Variants in UGT1A9 observed in about 807,000 individuals in gnomAD.
UGT1A9 encodes the protein UDP glucuronosyltransferase family 1 member A9.
Under a neutral mutation model 45.0 loss-of-function variants are expected in UGT1A9, and 35 were observed. The observed-to-expected ratio is 0.78, with a 90% CI of 0.59 to 1.03. The LOEUF (loss-of-function observed/expected upper bound fraction) is 1.03. Ranked by LOEUF, UGT1A9 falls within the 50% of genes least tolerant of loss-of-function variation. The pLI is 0.00. For missense variants in UGT1A9, 687 were observed against 666.6 expected (o/e 1.03, Z -0.34); for synonymous variants, 278 against 250.6 (o/e 1.11, Z -1.03).
At chr2:233,725,703 A>G (rs2077468684) in intron 1 of UGT1A9, among the ~76,000 whole-genome samples, 1 of 152,222 alleles carries the variant, frequency 6.6e-6, no homozygotes, top group South Asian at 2.1e-4. Flanking sequence ...ATATGTAGTT[A>G]GTGACTACCA....
intron 1 of UGT1A9, among the ~76,000 whole-genome samples, chr2:233,761,819 C>T (rs1222575733): frequency 6.6e-6 from 1 of 152,192 alleles, no homozygotes; most frequent in East Asian, 1.9e-4. Flanking sequence ...AGGAGAGGCT[C>T]CTTCAGATGG....
intron 1 of UGT1A9, among the ~76,000 whole-genome samples, chr2:233,736,576 T>G: frequency 6.6e-6 from 1 of 152,372 alleles, no homozygotes; most frequent in Admixed American, 6.5e-5. Flanking sequence ...TGTGATCCTT[T>G]GGAGGAGATG....
intron 1 of UGT1A9, among the ~76,000 whole-genome samples, chr2:233,684,812 A>G (rs1054910141): frequency 6.6e-6 from 1 of 152,200 alleles, no homozygotes; most frequent in Admixed American, 6.5e-5. Context: ...TCAACCACAA[A>G]AGTAAATTGT....
At chr2:233,681,795 T>C (rs2074539894) in intron 1 of UGT1A9, 2 of 1,471,396 alleles carry the variant, frequency 1.4e-6, no homozygotes, top group East Asian at 2.3e-5. Context: ...GAGTAAATCA[T>C]TGGCAGTGAA....
chr2:233,728,992 A>G (rs990793859), intron 1 of UGT1A9: 2 of 1,544,002 alleles, frequency 1.3e-6, no homozygotes, highest in Admixed American at 1.9e-5. Flanking sequence ...ATAATTAACT[A>G]GAGGAGGGCA....
intron 1 of UGT1A9, among the ~76,000 whole-genome samples, chr2:233,676,679 C>G (rs2074368007): frequency 6.6e-6 from 1 of 152,148 alleles, no homozygotes; most frequent in South Asian, 2.1e-4. Context: ...CAGTCCTAGT[C>G]AGGTGTCCTG....
At chr2:233,764,092 C>T (rs973147823) in intron 1 of UGT1A9, among the ~76,000 whole-genome samples, 2 of 152,148 alleles carry the variant, frequency 1.3e-5, no homozygotes, top group African/African-American at 4.8e-5. Context: ...AAAGCCTAAA[C>T]TAAAAATACA....
In UGT1A9 at chr2:233,755,028, C is replaced by T; in HGVS notation, c.856-12006C>T. 4 of 1,311,690 alleles carry T rather than the reference C, an allele frequency of 3.0e-6. 1 individual carries two copies. In the South Asian group the frequency reaches 4.6e-5, roughly 15 times the overall value. 81.3% of individuals were successfully genotyped at this position (1,311,690 alleles called of 1,614,324 possible). On this transcript the variant is annotated intron_variant, in intron 1 of 4. Transcript: ENST00000354728. ...CTACTCGAAGGGGTCCTTGAAGGGC[C>T]TGCCGCCTGCGCAGCCGCCCTCCGC...
At chr2:233,677,677 A>G (rs1343811731) in intron 1 of UGT1A9, among the ~76,000 whole-genome samples, 1 of 152,156 alleles carries the variant, frequency 6.6e-6, no homozygotes, top group Non-Finnish European at 1.5e-5. Flanking sequence ...TCAAGAAATA[A>G]TAGATGCTGG....
intron 1 of UGT1A9, among the ~76,000 whole-genome samples, chr2:233,696,259 G>A (rs1003470757): frequency 2.0e-5 from 3 of 152,170 alleles, no homozygotes; most frequent in Non-Finnish European, 4.4e-5. Context: ...ACACATCAGT[G>A]AATGAATGGA....
intron 1 of UGT1A9, among the ~76,000 whole-genome samples, chr2:233,744,427 T>C (rs1221651523): frequency 2.0e-5 from 3 of 151,848 alleles, no homozygotes; most frequent in East Asian, 1.9e-4. Flanking sequence ...GTGGATTATA[T>C]CTATCATACG....
At chr2:233,729,079 C>T (rs372945950) in intron 1 of UGT1A9, 2 of 1,611,886 alleles carry the variant, frequency 1.2e-6, no homozygotes, top group African/African-American at 2.7e-5. Flanking sequence ...GCAAATGTAG[C>T]AGGCACAGCG....
intron 1 of UGT1A9, among the ~76,000 whole-genome samples, chr2:233,676,024 T>C (rs2074343240): frequency 6.6e-6 from 1 of 152,154 alleles, no homozygotes; most frequent in South Asian, 2.1e-4. Context: ...AATAAACCCA[T>C]ACATATACAT....
intron 1 of UGT1A9, among the ~76,000 whole-genome samples, 167 bp from the exon 2 acceptor site, chr2:233,766,867 G>A (rs568299850): frequency 5.3e-5 from 8 of 152,308 alleles, no homozygotes; most frequent in African/African-American, 1.7e-4. Flanking sequence ...AAGTAAAGGA[G>A]AGGAAAATGC....
chr2:233,753,752 T>C (rs1695297434), intron 1 of UGT1A9: 1 of 152,236 alleles, frequency 6.6e-6, no homozygotes, highest in African/African-American at 2.4e-5. Context: ...TAGGACAGTT[T>C]TGCGTGGCCC....
chr2:233,693,990 T>TA, intron 1 of UGT1A9: 1 of 1,534,128 alleles, frequency 6.5e-7, no homozygotes, highest in African/African-American at 1.4e-5. Context: ...GGGGAAGTGA[T>TA]ACCCGGCTCG....
chr2:233,769,480 CGT>C lies in UGT1A9; in HGVS notation c.1295+1046_1295+1047del. 6.3e-7 allele frequency: 1 copy of C among 1,596,850 alleles called. No individual in the cohort carries two copies. Among genetic ancestry groups the C allele is most frequent in the East Asian group, 2.2e-5 (1 of 44,628 alleles). ...ATTCATATGCGTGTGTGTGTGTGTG[CGT>C]GTGTTTATGAGAGTGTCCATTGCTT... On this transcript the variant is annotated intron_variant, in intron 4 of 4. Transcript: ENST00000354728. The surrounding 1 kb of genome is among the most constrained non-coding windows in gnomAD (Gnocchi z 4.4).
At chr2:233,744,160 C>A (rs555064194) in intron 1 of UGT1A9, 3 of 294,534 alleles carry the variant, frequency 1.0e-5, no homozygotes, top group Non-Finnish European at 2.0e-5. Context: ...CCAGGCCCCG[C>A]CCACTCCGGC....
chr2:233,756,018 C>T (rs900872393), intron 1 of UGT1A9: 6 of 152,198 alleles, frequency 3.9e-5, no homozygotes, highest in African/African-American at 1.4e-4. Context: ...TGTGATATTA[C>T]ACATCCCCCA....
Sources: gnomAD v4.1 joint callset for allele counts (sites outside exome capture counted in the v4.1 genomes callset) on GRCh38, gnomAD v4.1.1 for gene constraint, Gnocchi (gnomAD v3.1) non-coding constraint, MANE v1.5 for transcripts, NCBI Gene and HGNC (gene_info 2026-07-23, HGNC 2026-07-21) for gene names.